MEI4: variants seen among roughly 807,000 people sequenced by gnomAD.
The protein encoded by MEI4 is meiotic double-stranded break formation protein 4, also known as meiosis-specific protein MEI4.
Under a neutral mutation model 31.4 loss-of-function variants are expected in MEI4, and 27 were observed. The ratio of observed to expected loss-of-function variants is 0.86; its 90% CI spans 0.63 to 1.19. The LOEUF (loss-of-function observed/expected upper bound fraction) is 1.19. Among genes scored for constraint, MEI4 ranks in the 50% most tolerant of loss-of-function variants. The pLI is 0.00. For missense variants in MEI4, 329 were observed against 398.9 expected, an observed-to-expected ratio of 0.82 and a Z score of 1.49; for synonymous variants, 122 against 145.4, an observed-to-expected ratio of 0.84 and a Z score of 1.16.
intron 4 of MEI4, among the ~76,000 whole-genome samples, chr6:77,879,075 G>A (rs1186397782): frequency 6.6e-6 from 1 of 152,000 alleles, no homozygotes; most frequent in Non-Finnish European, 1.5e-5. Context: ...CATGAAAACA[G>A]TATTATTATA....
intron 3 of MEI4, among the ~76,000 whole-genome samples, chr6:77,805,080 A>C (rs1769393118): frequency 6.6e-6 from 1 of 152,194 alleles, no homozygotes. Context: ...CAATCAAGTA[A>C]TAGAAGATAT....
chr6:77,879,853 C>T (rs1361851301), intron 4 of MEI4, among the ~76,000 whole-genome samples: 3 of 152,128 alleles, frequency 2.0e-5, no homozygotes, highest in Non-Finnish European at 4.4e-5. Flanking sequence ...ACATTCCATC[C>T]TCAGAATCCA....
chr6:77,769,438 T>C (rs1768253914), intron 3 of MEI4, among the ~76,000 whole-genome samples: 6 of 152,132 alleles, frequency 3.9e-5, no homozygotes, highest in African/African-American at 1.4e-4. Flanking sequence ...CCACAAGGAC[T>C]GCAATTCCTG....
intron 4 of MEI4, among the ~76,000 whole-genome samples, chr6:77,872,876 C>T (rs1281331848): frequency 6.6e-6 from 1 of 151,344 alleles, no homozygotes; most frequent in African/African-American, 2.4e-5. Flanking sequence ...TGATGATTTC[C>T]AGTTTCATCC....
chr6:77,823,664 T>C (rs1329185706), intron 3 of MEI4, among the ~76,000 whole-genome samples: 2 of 137,930 alleles, frequency 1.5e-5, no homozygotes, highest in Admixed American at 1.4e-4. Flanking sequence ...CTAAGGTTGG[T>C]TGGTTTGTTT....
intron 4 of MEI4, among the ~76,000 whole-genome samples, chr6:77,886,837 TTC>T (rs1460040243): frequency 2.0e-5 from 3 of 152,334 alleles, no homozygotes; most frequent in Non-Finnish European, 4.4e-5. Context: ...TATTTGGGTC[TTC>T]TCTCTTTTTT....
intron 4 of MEI4, among the ~76,000 whole-genome samples, chr6:77,838,101 T>C (rs1237006167): frequency 6.6e-6 from 1 of 152,138 alleles, no homozygotes; most frequent in African/African-American, 2.4e-5. Flanking sequence ...AAGCTTAAAA[T>C]ATAAAACCCC....
intron 3 of MEI4, among the ~76,000 whole-genome samples, chr6:77,806,150 G>A (rs1188957096): frequency 6.6e-6 from 1 of 152,106 alleles, no homozygotes; most frequent in Non-Finnish European, 1.5e-5. Flanking sequence ...TGTACATAAA[G>A]TGCATAGATA....
chr6:77,776,931 G>T (rs763403395), intron 3 of MEI4, among the ~76,000 whole-genome samples: 5 of 152,170 alleles, frequency 3.3e-5, no homozygotes, highest in Non-Finnish European at 5.9e-5. Context: ...ATAAGAGGTA[G>T]CAAGAGAAAC....
At chr6:77,906,427 G>C (rs1308817817) in intron 4 of MEI4, among the ~76,000 whole-genome samples, 1 of 147,578 alleles carries the variant, frequency 6.8e-6, no homozygotes, top group Non-Finnish European at 1.5e-5. Context: ...TCTCTGTATA[G>C]TTCTATCAAC....
chr6:77,711,397 A>G (rs1448941940), intron 2 of MEI4, among the ~76,000 whole-genome samples: 1 of 152,162 alleles, frequency 6.6e-6, no homozygotes, highest in South Asian at 2.1e-4. Flanking sequence ...TACACTGAAG[A>G]TATATATAAT....
intron 2 of MEI4, among the ~76,000 whole-genome samples, chr6:77,735,003 C>G (rs148471843): frequency 3.3e-5 from 5 of 151,834 alleles, no homozygotes; most frequent in East Asian, 1.9e-4. Flanking sequence ...CCGAGAGATC[C>G]GCTGTTAGTC....
At chr6:77,736,354 C>T (rs1767217237) in intron 2 of MEI4, among the ~76,000 whole-genome samples, 1 of 152,094 alleles carries the variant, frequency 6.6e-6, no homozygotes, top group East Asian at 1.9e-4. Context: ...GTTTTTAAGC[C>T]CGTTGGAAAA....
intron 2 of MEI4, among the ~76,000 whole-genome samples, chr6:77,712,724 C>T (rs1766494342): frequency 6.6e-6 from 1 of 152,100 alleles, no homozygotes; most frequent in Non-Finnish European, 1.5e-5. Context: ...GTAATCCCAG[C>T]ACTTTGGGAG....
intron 3 of MEI4, among the ~76,000 whole-genome samples, chr6:77,826,795 T>G (rs1198509608): frequency 1.3e-5 from 2 of 152,176 alleles, no homozygotes; most frequent in African/African-American, 4.8e-5. Flanking sequence ...ACTGTGTAAT[T>G]GGAAACACTA....
chr6:77,805,186 T>C (rs1297607952), intron 3 of MEI4, among the ~76,000 whole-genome samples: 9 of 152,098 alleles, frequency 5.9e-5, no homozygotes, highest in African/African-American at 9.6e-5. Flanking sequence ...AAAACCTAGA[T>C]ACAAATAAGA....
chr6:77,854,691 T>C (rs1582218417), intron 4 of MEI4, among the ~76,000 whole-genome samples: 1 of 151,974 alleles, frequency 6.6e-6, no homozygotes, highest in Non-Finnish European at 1.5e-5. Flanking sequence ...ACAGAAAAGG[T>C]AGTAATAATA....
intron 2 of MEI4, among the ~76,000 whole-genome samples, chr6:77,739,961 C>A (rs62419092): frequency 0.14 from 20,959 of 152,014 alleles, 1,532 homozygotes; most frequent in Middle Eastern, 0.21. Flanking sequence ...TCCTCCTAAC[C>A]CTGCCTTAGC....
At chr6:77,746,594 C>A (rs1338333184) in intron 2 of MEI4, among the ~76,000 whole-genome samples, 3 of 151,742 alleles carry the variant, frequency 2.0e-5, no homozygotes, top group Non-Finnish European at 4.4e-5. Flanking sequence ...AGCCTCCATG[C>A]TTGCTTCAGC....
Sources: allele counts gnomAD v4.1 joint callset (sites outside exome capture counted in the v4.1 genomes callset), GRCh38; gene constraint gnomAD v4.1.1; transcripts MANE v1.5; gene names NCBI Gene and HGNC (gene_info 2026-07-23, HGNC 2026-07-21).